The following SGCZ variants were observed in gnomAD, a reference collection of about 807,000 sequenced individuals.
The protein encoded by SGCZ is zeta-sarcoglycan.
Under a neutral mutation model 41.3 loss-of-function variants are expected in SGCZ, and 40 were observed. The observed-to-expected ratio is 0.97, with a 90% CI of 0.75 to 1.26. The LOEUF is 1.26. Among genes scored for constraint, SGCZ ranks in the 50% most tolerant of loss-of-function variants. SGCZ has a pLI of 0.00. For synonymous variants in SGCZ, 206 were observed against 137.5 expected, an observed-to-expected ratio of 1.50 and a Z score of -3.49; for missense variants, 552 against 369.8, an observed-to-expected ratio of 1.49 and a Z score of -4.04.
chr8:14,935,959 CA>C (rs897671106), intron 1 of SGCZ, among the ~76,000 whole-genome samples: 7 of 151,858 alleles, frequency 4.6e-5, no homozygotes, highest in African/African-American at 1.7e-4. Context: ...TAATTTAAAA[CA>C]AAAATGTACT....
At chr8:14,743,068 G>A (rs557125048) in intron 1 of SGCZ, among the ~76,000 whole-genome samples, 35 of 152,074 alleles carry the variant, frequency 2.3e-4, no homozygotes, top group African/African-American at 8.4e-4. Flanking sequence ...AGACTGCGTG[G>A]ATTTTCTTAG....
At chr8:14,424,472 A>G (rs1052120182) in intron 2 of SGCZ, among the ~76,000 whole-genome samples, 1 of 152,184 alleles carries the variant, frequency 6.6e-6, no homozygotes, top group African/African-American at 2.4e-5. Flanking sequence ...CCCCATTATA[A>G]AAAGCTTATT....
chr8:14,306,700 G>A (rs1305912141), intron 3 of SGCZ, among the ~76,000 whole-genome samples: 1 of 151,996 alleles, frequency 6.6e-6, no homozygotes, highest in African/African-American at 2.4e-5. Context: ...GAAAAAATAA[G>A]TGTCATTGTA....
intron 1 of SGCZ, among the ~76,000 whole-genome samples, chr8:15,153,212 A>C (rs1319443527): frequency 6.6e-6 from 1 of 151,988 alleles, no homozygotes; most frequent in Non-Finnish European, 1.5e-5. Flanking sequence ...TCAGGGATTA[A>C]TTCTCTTGTA....
intron 2 of SGCZ, among the ~76,000 whole-genome samples, chr8:14,542,053 T>G (rs1046581910): frequency 6.6e-6 from 1 of 152,152 alleles, no homozygotes; most frequent in Admixed American, 6.6e-5. Context: ...ATGGACAGAT[T>G]GCAAAAATTT....
At chr8:14,859,188 T>A (rs1803640453) in intron 1 of SGCZ, among the ~76,000 whole-genome samples, 1 of 152,078 alleles carries the variant, frequency 6.6e-6, no homozygotes, top group Non-Finnish European at 1.5e-5. Context: ...GTGACACAGA[T>A]TATTAAGAGA....
At chr8:15,233,462 G>C (rs914210155) in intron 1 of SGCZ, among the ~76,000 whole-genome samples, 3 of 151,232 alleles carry the variant, frequency 2.0e-5, no homozygotes, top group African/African-American at 4.9e-5. Flanking sequence ...TCAATCTCTT[G>C]TTTAAATACC....
At chr8:14,949,661 A>G (rs1168581044) in intron 1 of SGCZ, among the ~76,000 whole-genome samples, 1 of 152,090 alleles carries the variant, frequency 6.6e-6, no homozygotes, top group African/African-American at 2.4e-5. Flanking sequence ...TTGCTGGCAC[A>G]TTTAATTTTG....
At chr8:14,930,327 C>T (rs1204487610) in intron 1 of SGCZ, among the ~76,000 whole-genome samples, 2 of 151,924 alleles carry the variant, frequency 1.3e-5, no homozygotes, top group South Asian at 2.1e-4. Context: ...ATTAAAAAGT[C>T]AGGAAACAAC....
rs1239150344 is a variant in SGCZ, at chr8:14,511,809, G to C, written c.234+42923C>G. Among the ~76,000 whole-genome samples, 7 of 152,152 alleles carry C rather than the reference G, an allele frequency of 4.6e-5. No homozygotes were observed. The East Asian group carries it at 1.4e-3, about 29-fold the overall frequency. On this transcript the variant is annotated intron_variant, in intron 2 of 7. Coordinates refer to ENST00000382080, the MANE Select transcript of SGCZ (RefSeq NM_139167.4). ...CCCCACCAACTCTTCTGGAATTTCA[G>C]GATATTTGCTAGGTTAGGCTTGTTG...
At chr8:14,186,509 G>A (rs1435618133) in intron 4 of SGCZ, among the ~76,000 whole-genome samples, 2 of 152,118 alleles carry the variant, frequency 1.3e-5, no homozygotes, top group South Asian at 2.1e-4. Context: ...AGGATGGAGG[G>A]TCCAGGCCAC....
At chr8:14,262,282 G>A (rs1006061961) in intron 3 of SGCZ, among the ~76,000 whole-genome samples, 2 of 152,216 alleles carry the variant, frequency 1.3e-5, no homozygotes, top group South Asian at 2.1e-4. Context: ...CGTTTTAATA[G>A]GTAAACTGTT....
rs1450248230 is a variant in SGCZ, at chr8:14,087,812, C to T, written c.*2631G>A. ...CACAATAGGCTTGATCTCTCTGAGG[C>T]AGGGATCTTGGCTTAGATTCAGAAA... On this transcript the variant is annotated 3_prime_UTR_variant, in exon 8 of 8. Coordinates refer to ENST00000382080, the MANE Select transcript of SGCZ (RefSeq NM_139167.4). Among the ~76,000 whole-genome samples the T allele has an allele frequency of 6.6e-6, 1 of 151,610 alleles. No homozygotes were observed. The highest frequency in any genetic ancestry group is 1.5e-5 in the Non-Finnish European group (1 of 67,752).
chr8:15,235,856 T>G (rs930209154), intron 1 of SGCZ, among the ~76,000 whole-genome samples: 5 of 152,254 alleles, frequency 3.3e-5, no homozygotes, highest in African/African-American at 1.2e-4. Context: ...AAAACACAGA[T>G]CACAATCATT....
intron 1 of SGCZ, among the ~76,000 whole-genome samples, chr8:15,070,367 T>A (rs1805306410): frequency 6.6e-6 from 1 of 152,192 alleles, no homozygotes; most frequent in South Asian, 2.1e-4. Context: ...TACATGCTTG[T>A]TTCATTGTTC....
intron 2 of SGCZ, among the ~76,000 whole-genome samples, chr8:14,373,438 T>C (rs1228509385): frequency 6.6e-6 from 1 of 152,108 alleles, no homozygotes; most frequent in African/African-American, 2.4e-5. Flanking sequence ...AAATGGCATT[T>C]TAAGGAATGA....
intron 1 of SGCZ, among the ~76,000 whole-genome samples, chr8:15,052,215 C>G (rs1157470955): frequency 6.6e-6 from 1 of 152,092 alleles, no homozygotes; most frequent in Non-Finnish European, 1.5e-5. Context: ...AGACAGTTAC[C>G]CTAACCTTAG....
At chr8:15,165,054 G>A (rs781146093) in intron 1 of SGCZ, among the ~76,000 whole-genome samples, 1 of 152,134 alleles carries the variant, frequency 6.6e-6, no homozygotes. Flanking sequence ...CACTTTGGGA[G>A]GCCCAGGTGG....
chr8:14,702,729 A>G lies in SGCZ; in HGVS notation c.40-147803T>C, dbSNP rs1330651867. Reference sequence around the variant, plus strand: ...TATATCAGCAAATTCTGCTGGCTTCAATGATAGATAGATAGATAGATAGAT... The same window carrying G: ...TATATCAGCAAATTCTGCTGGCTTCGATGATAGATAGATAGATAGATAGAT... On this transcript the variant is annotated intron_variant, in intron 1 of 7. Transcript: ENST00000382080. 2.9e-5 allele frequency among the ~76,000 whole-genome samples: 4 copies of G among 139,378 alleles called. No homozygotes were observed. The East Asian group carries it at 6.4e-4, about 22-fold the overall frequency. The allele number at this position is 139,378 out of a possible 152,430, so 91.4% of individuals were successfully genotyped here. A position where few individuals can be genotyped will look rare whatever the true frequency, so the allele number is the denominator to read the frequency against.
Sources: gnomAD v4.1 joint callset for allele counts (sites outside exome capture counted in the v4.1 genomes callset) on GRCh38, gnomAD v4.1.1 for gene constraint, MANE v1.5 for transcripts, NCBI Gene and HGNC (gene_info 2026-07-23, HGNC 2026-07-21) for gene names.